Variants in MSRB3 observed in about 807,000 individuals in gnomAD.
The protein encoded by MSRB3 is methionine sulfoxide reductase B3.
Under a neutral mutation model 21.0 loss-of-function variants are expected in MSRB3, and 13 were observed. The observed-to-expected ratio is 0.62, with a 90% CI of 0.40 to 0.98. MSRB3 has a LOEUF of 0.98. Ranked by LOEUF, MSRB3 falls within the 50% of genes least tolerant of loss-of-function variation. MSRB3 has a pLI of 0.00. For missense variants in MSRB3, 199 were observed against 230.3 expected, an observed-to-expected ratio of 0.86 and a Z score of 0.88; for synonymous variants, 87 against 88.6, an observed-to-expected ratio of 0.98 and a Z score of 0.10.
chr12:65,308,543 C>G lies in MSRB3; in HGVS notation c.-37C>G, dbSNP rs1329415132. The G allele has an allele frequency of 6.2e-7, 1 of 1,613,724 alleles. No individual in the cohort carries two copies. The highest frequency in any genetic ancestry group is 1.1e-5 in the South Asian group (1 of 91,062). On this transcript the variant is annotated 5_prime_UTR_variant, in exon 2 of 7. Coordinates refer to ENST00000308259, the MANE Select transcript of MSRB3 (RefSeq NM_001031679.3). ...CTCCTACTCAGCTCTTGCCCCTGTT[C>G]TTTGCTTCTCGTTTTGTTGGTGAAG... is the stretch of plus-strand genomic sequence containing the variant.
At chr12:65,444,102 A>T (rs1882506300) in intron 5 of MSRB3, among the ~76,000 whole-genome samples, 2 of 152,166 alleles carry the variant, frequency 1.3e-5, no homozygotes. Flanking sequence ...AAAGAAGCAA[A>T]CATTAATCAA....
At chr12:65,287,423 C>T (rs1046958690) in intron 1 of MSRB3, among the ~76,000 whole-genome samples, 1 of 152,160 alleles carries the variant, frequency 6.6e-6, no homozygotes, top group African/African-American at 2.4e-5. Context: ...CCTCCACGCC[C>T]AGTACATTTC....
intron 4 of MSRB3, among the ~76,000 whole-genome samples, chr12:65,355,541 T>G (rs1049967204): frequency 6.6e-6 from 1 of 151,904 alleles, no homozygotes; most frequent in Non-Finnish European, 1.5e-5. Context: ...TTCATTCATG[T>G]CTTGATTTGT....
intron 5 of MSRB3, among the ~76,000 whole-genome samples, chr12:65,374,367 G>T (rs1425331312): frequency 1.3e-5 from 2 of 152,138 alleles, no homozygotes; most frequent in Admixed American, 1.3e-4. Flanking sequence ...TGAGGTTATA[G>T]CTGTGAACAG....
At chr12:65,411,080 T>A (rs1880690855) in intron 5 of MSRB3, among the ~76,000 whole-genome samples, 1 of 152,160 alleles carries the variant, frequency 6.6e-6, no homozygotes, top group Non-Finnish European at 1.5e-5. Context: ...TTAGGTATAC[T>A]TTTCAAATAT....
chr12:65,318,597 A>G (rs899544717), intron 2 of MSRB3, among the ~76,000 whole-genome samples: 2 of 152,182 alleles, frequency 1.3e-5, no homozygotes, highest in South Asian at 2.1e-4. Flanking sequence ...GACGTTTCAC[A>G]TGCAATCAGA....
intron 4 of MSRB3, among the ~76,000 whole-genome samples, chr12:65,348,193 C>T (rs1336202481): frequency 1.1e-4 from 16 of 152,088 alleles, no homozygotes; most frequent in Non-Finnish European, 1.8e-4. Flanking sequence ...TGGTAGAATT[C>T]GACTGTGAAT....
intron 5 of MSRB3, among the ~76,000 whole-genome samples, chr12:65,420,404 A>AT (rs78299431): frequency 0.31 from 45,874 of 147,554 alleles, 7,294 homozygotes; most frequent in Middle Eastern, 0.45. Flanking sequence ...AAGTTTTAAG[A>AT]TTTTTTTTTT....
intron 4 of MSRB3, among the ~76,000 whole-genome samples, chr12:65,367,922 C>CAG (rs1447248991): frequency 6.6e-6 from 1 of 151,882 alleles, no homozygotes; most frequent in Non-Finnish European, 1.5e-5. Context: ...TACATATACA[C>CAG]ACACACACAT....
At chr12:65,352,343 C>G (rs1877068542) in intron 4 of MSRB3, among the ~76,000 whole-genome samples, 1 of 150,390 alleles carries the variant, frequency 6.6e-6, no homozygotes, top group South Asian at 2.1e-4. Flanking sequence ...TATGAGAAAC[C>G]CACAGCCAAT....
chr12:65,454,241 T>C (rs1882990207), intron 6 of MSRB3: 1 of 357,230 alleles, frequency 2.8e-6, no homozygotes, highest in South Asian at 3.1e-5. Context: ...TGAGCTGTGA[T>C]CATGCCACTG....
chr12:65,390,867 T>A (rs1416887573), intron 5 of MSRB3, among the ~76,000 whole-genome samples: 1 of 152,196 alleles, frequency 6.6e-6, no homozygotes, highest in East Asian at 1.9e-4. Flanking sequence ...AATTTTCTAG[T>A]TTAATTTACA....
At chr12:65,412,581 T>C (rs764403308) in intron 5 of MSRB3, among the ~76,000 whole-genome samples, 1 of 151,792 alleles carries the variant, frequency 6.6e-6, no homozygotes, top group East Asian at 2.0e-4. Context: ...TACTATTAGG[T>C]TGGTGCAAAA....
intron 5 of MSRB3, among the ~76,000 whole-genome samples, chr12:65,396,050 T>C (rs1242482858): frequency 6.6e-6 from 1 of 152,208 alleles, no homozygotes; most frequent in Non-Finnish European, 1.5e-5. Context: ...TACTGTAGAT[T>C]GTTTGCTGTT....
chr12:65,350,227 C>T (rs556101908), intron 4 of MSRB3, among the ~76,000 whole-genome samples: 14 of 151,276 alleles, frequency 9.3e-5, no homozygotes, highest in South Asian at 4.2e-4. Flanking sequence ...TGTAGATATG[C>T]GGCGTTATTT....
intron 5 of MSRB3, among the ~76,000 whole-genome samples, chr12:65,397,729 G>T (rs1216643309): frequency 6.6e-6 from 1 of 151,964 alleles, no homozygotes; most frequent in African/African-American, 2.4e-5. Flanking sequence ...ATCTACATTA[G>T]GTATTTCTCC....
At chr12:65,315,208 G>A (rs1016211447) in intron 2 of MSRB3, among the ~76,000 whole-genome samples, 6 of 152,096 alleles carry the variant, frequency 3.9e-5, no homozygotes, top group Non-Finnish European at 5.9e-5. Flanking sequence ...AAGATGCAAC[G>A]ATAAATTATC....
At chr12:65,292,109 C>G (rs1386234491) in intron 1 of MSRB3, among the ~76,000 whole-genome samples, 1 of 152,122 alleles carries the variant, frequency 6.6e-6, no homozygotes, top group Non-Finnish European at 1.5e-5. Context: ...TCCACTGAAA[C>G]AGTTTTGGTT....
At chr12:65,408,580 A>G (rs977994787) in intron 5 of MSRB3, among the ~76,000 whole-genome samples, 2 of 152,212 alleles carry the variant, frequency 1.3e-5, no homozygotes, top group African/African-American at 4.8e-5. Context: ...GTTATTATAC[A>G]GGAGCCCTTC....
Sources: gnomAD v4.1 joint callset for allele counts (sites outside exome capture counted in the v4.1 genomes callset) on GRCh38, gnomAD v4.1.1 for gene constraint, MANE v1.5 for transcripts, NCBI Gene and HGNC (gene_info 2026-07-23, HGNC 2026-07-21) for gene names.